Variants in LRRC7 observed in about 807,000 individuals in gnomAD.
LRRC7 encodes the protein leucine-rich repeat-containing protein 7.
In LRRC7, 23 loss-of-function variants were observed where a neutral mutation model predicts 175.7. That is an observed-to-expected ratio of 0.13 (90% CI 0.09 to 0.19). The LOEUF is 0.19. LRRC7 is among the 10% of genes least tolerant of loss of function. The pLI is 1.00. For missense variants in LRRC7, 1,354 were observed against 1,904.7 expected (o/e 0.71, Z 5.38); for synonymous variants, 685 against 680.9 (o/e 1.01, Z -0.09).
intron 4 of LRRC7, among the ~76,000 whole-genome samples, chr1:69,819,290 A>C (rs1678954474): frequency 6.6e-6 from 1 of 151,624 alleles, no homozygotes. Flanking sequence ...ATTTTCTTTT[A>C]ATTTTCCTTT....
intron 7 of LRRC7, among the ~76,000 whole-genome samples, chr1:69,889,154 G>T (rs544859110): frequency 6.6e-6 from 1 of 152,318 alleles, no homozygotes; most frequent in South Asian, 2.1e-4. Context: ...TTTGTTGATA[G>T]AGGGTCTTTC....
intron 24 of LRRC7, among the ~76,000 whole-genome samples, chr1:70,080,242 T>G (rs549504153): frequency 6.6e-6 from 1 of 152,312 alleles, no homozygotes; most frequent in East Asian, 1.9e-4. Context: ...TACCTCTGTA[T>G]CCCTTAATGT....
At chr1:69,741,776 C>T (rs944235482) in intron 2 of LRRC7, among the ~76,000 whole-genome samples, 3 of 151,738 alleles carry the variant, frequency 2.0e-5, no homozygotes, top group Non-Finnish European at 4.4e-5. Flanking sequence ...TTGCTGTGTT[C>T]ACTCCTTTCT....
intron 11 of LRRC7, among the ~76,000 whole-genome samples, chr1:69,996,370 G>C (rs1002286366): frequency 5.3e-5 from 8 of 152,046 alleles, no homozygotes; most frequent in Non-Finnish European, 7.4e-5. Flanking sequence ...TCACTCTGAT[G>C]GTAGTTTCTT....
chr1:69,949,829 C>G lies in LRRC7; in HGVS notation c.711+18259C>G, dbSNP rs113673218. On this transcript the variant is annotated intron_variant, in intron 8 of 26. Transcript: ENST00000651989. ...CAAAAGCATTACTAATTTATATAAA[C>G]TTTTGGTACTCATTAAAAAAGCCAA... is the stretch of plus-strand genomic sequence containing the variant. Among the ~76,000 whole-genome samples the G allele has an allele frequency of 1.3e-3, 192 of 152,108 alleles. 1 individual carries two copies. The highest frequency in any genetic ancestry group is 4.3e-3 in the African/African-American group (179 of 41,508).
intron 5 of LRRC7, among the ~76,000 whole-genome samples, chr1:69,828,014 T>C (rs780138322): frequency 3.9e-4 from 60 of 152,094 alleles, no homozygotes; most frequent in African/African-American, 1.4e-3. Context: ...TTTTTCAAAA[T>C]GACAAATAAA....
chr1:69,745,208 T>G (rs1669126899), intron 2 of LRRC7, among the ~76,000 whole-genome samples: 1 of 151,942 alleles, frequency 6.6e-6, no homozygotes, highest in African/African-American at 2.4e-5. Flanking sequence ...CTATTTGTAG[T>G]CCATTGAGTT....
intron 1 of LRRC7, among the ~76,000 whole-genome samples, chr1:69,615,582 C>A (rs1189039356): frequency 1.3e-5 from 2 of 151,888 alleles, no homozygotes; most frequent in Non-Finnish European, 2.9e-5. Context: ...AAATTTAAGC[C>A]ACCGTAAGTG....
At chr1:69,569,000 T>C (rs1645619429) in intron 1 of LRRC7, among the ~76,000 whole-genome samples, 2 of 152,192 alleles carry the variant, frequency 1.3e-5, no homozygotes. Flanking sequence ...CTCGTTATTA[T>C]CTTGGGTATC....
intron 8 of LRRC7, among the ~76,000 whole-genome samples, chr1:69,951,492 T>C (rs1437146301): frequency 6.6e-6 from 1 of 152,040 alleles, no homozygotes; most frequent in African/African-American, 2.4e-5. Flanking sequence ...TGCATGCAAA[T>C]GTTCATTGCA....
intron 2 of LRRC7, among the ~76,000 whole-genome samples, chr1:69,749,162 C>T (rs1467384149): frequency 1.3e-5 from 2 of 152,134 alleles, no homozygotes; most frequent in Non-Finnish European, 2.9e-5. Flanking sequence ...AATGTCAAGA[C>T]AGAATGTGTG....
intron 24 of LRRC7, among the ~76,000 whole-genome samples, chr1:70,087,281 TG>T (rs1196785348): frequency 1.3e-5 from 2 of 152,206 alleles, no homozygotes; most frequent in African/African-American, 4.8e-5. Context: ...AAATTAAACC[TG>T]TTACATTTGT....
At chr1:69,888,233 A>C (rs1168202282) in intron 7 of LRRC7, among the ~76,000 whole-genome samples, 1 of 151,984 alleles carries the variant, frequency 6.6e-6, no homozygotes, top group Non-Finnish European at 1.5e-5. Flanking sequence ...GCCTCCTTGC[A>C]GTTTGATCTC....
chr1:69,907,472 G>C (rs962837896), intron 7 of LRRC7, among the ~76,000 whole-genome samples: 6 of 150,606 alleles, frequency 4.0e-5, no homozygotes, highest in East Asian at 3.9e-4. Flanking sequence ...TAGCATGAAG[G>C]GTTGTTGAAT....
intron 3 of LRRC7, among the ~76,000 whole-genome samples, chr1:69,788,134 C>T (rs1180929623): frequency 6.6e-6 from 1 of 152,110 alleles, no homozygotes; most frequent in Non-Finnish European, 1.5e-5. Flanking sequence ...AGCCAATCTC[C>T]CACTCTGTTC....
intron 11 of LRRC7, among the ~76,000 whole-genome samples, chr1:69,996,991 A>G (rs1021035185): frequency 4.6e-5 from 7 of 152,136 alleles, no homozygotes; most frequent in African/African-American, 1.2e-4. Context: ...ACCTTGCGCA[A>G]TATGGCCATT....
chr1:69,580,109 TG>T (rs1646135135), intron 1 of LRRC7, among the ~76,000 whole-genome samples: 1 of 152,032 alleles, frequency 6.6e-6, no homozygotes, highest in African/African-American at 2.4e-5. Context: ...ATAAAGGCAT[TG>T]ATATGTTGGG....
chr1:69,794,683 T>C (rs1198996856), intron 4 of LRRC7, among the ~76,000 whole-genome samples: 3 of 152,206 alleles, frequency 2.0e-5, no homozygotes, highest in Non-Finnish European at 2.9e-5. Context: ...AAAATCTACC[T>C]TATTTTTAAA....
chr1:69,612,199 G>A (rs986522829), intron 1 of LRRC7, among the ~76,000 whole-genome samples: 14 of 151,832 alleles, frequency 9.2e-5, no homozygotes, highest in African/African-American at 3.4e-4. Flanking sequence ...TACCAAACCA[G>A]TGTTTTCTGC....
Sources: gnomAD v4.1 joint callset for allele counts (sites outside exome capture counted in the v4.1 genomes callset) on GRCh38, gnomAD v4.1.1 for gene constraint, MANE v1.5 for transcripts, NCBI Gene and HGNC (gene_info 2026-07-23, HGNC 2026-07-21) for gene names.